NKTR: variants seen among roughly 807,000 people sequenced by gnomAD.
The protein encoded by NKTR is natural killer cell triggering receptor.
NKTR carries 67 observed loss-of-function variants against 156.3 expected under a neutral mutation model. The ratio of observed to expected loss-of-function variants is 0.43; its 90% confidence interval spans 0.35 to 0.53. The LOEUF is 0.53. Ranked by LOEUF, NKTR falls within the 20% of genes least tolerant of loss-of-function variation. NKTR has a pLI of 0.01. For synonymous variants in NKTR, 640 were observed against 596.6 expected (o/e 1.07, Z -1.06); for missense variants, 1,604 against 1,730.9 (o/e 0.93, Z 1.30).
At chr3:42,617,736 C>A in intron 3 of NKTR, 92 bp downstream of exon 3, 2 of 612,338 alleles carry the variant, frequency 3.3e-6, no homozygotes, top group East Asian at 2.9e-5. Flanking sequence ...ATAATGGACT[C>A]GTGAAATTAG....
chr3:42,631,241 G>A lies in NKTR; in HGVS notation c.475G>A (p.Asp159Asn), dbSNP rs910767006. The A allele has an allele frequency of 1.4e-5, 22 of 1,613,894 alleles. No homozygotes were observed. Among genetic ancestry groups the A allele is most frequent in the East Asian group, 2.2e-5 (1 of 44,882 alleles). Residue 159 changes from aspartate to asparagine, a missense_variant, in exon 8 of 17, where the codon GAT (aspartate) becomes AAT (asparagine). Around this residue, in one of 6 missense-constraint regions of NKTR, gnomAD observed 61 missense variants for 113.3 expected, o/e 0.54. Coordinates refer to ENST00000232978, the MANE Select transcript of NKTR (RefSeq NM_005385.4). Reference sequence around the variant, plus strand: ...CGAACAAATTGAAAATCTGAAGACCGATGCTGCAAGCAGACCATATGCAGA... The same window carrying A: ...CGAACAAATTGAAAATCTGAAGACCAATGCTGCAAGCAGACCATATGCAGA... Reference protein sequence around the residue: ...VIEQIENLKTDAASRPYADVR... With the variant: ...VIEQIENLKTNAASRPYADVR...
Position 42,600,786 on chromosome 3 carries a change from G to C in NKTR, c.-24+8G>C, listed in dbSNP as rs1705308229. The C allele has an allele frequency of 2.6e-6, 1 of 381,376 alleles. No individual in the cohort carries two copies. Among genetic ancestry groups the C allele is most frequent in the South Asian group, 6.4e-5 (1 of 15,518 alleles). 23.6% of individuals were successfully genotyped at this position (381,376 alleles called of 1,614,324 possible). A position where few individuals can be genotyped will look rare whatever the true frequency, so the allele number is the denominator to read the frequency against. On this transcript the variant is annotated splice_region_variant and intron_variant, in intron 1 of 16. Transcript: ENST00000232978. ...AGGCTGGAGGCCAGCCAGGTGAAGA[G>C]CTCGCCCGCATGCGTGCGCGCTGCG...
At chr3:42,632,379 G>GT (rs1709000168) in intron 8 of NKTR, among the ~76,000 whole-genome samples, 1 of 151,842 alleles carries the variant, frequency 6.6e-6, no homozygotes. Flanking sequence ...CCTATTTCTT[G>GT]TTACTTGACC....
chr3:42,629,382 A>T (rs1708692001), intron 6 of NKTR: 1 of 934,526 alleles, frequency 1.1e-6, no homozygotes, highest in Admixed American at 6.2e-5. Flanking sequence ...TTTAAATTAA[A>T]TTCTGTAGTG....
At chr3:42,620,128 G>A (rs1323284267) in intron 5 of NKTR, 7 of 1,467,238 alleles carry the variant, frequency 4.8e-6, no homozygotes, top group Non-Finnish European at 5.4e-6. Context: ...TCTGGGTCAG[G>A]TTGTGGCTGG....
Position 42,637,290 on chromosome 3 carries a change from C to G in NKTR, c.1586C>G (p.Ser529Cys), listed in dbSNP as rs1709515074. The G allele has an allele frequency of 6.2e-7, 1 of 1,613,940 alleles. No homozygotes were observed. The highest frequency in any genetic ancestry group is 1.1e-5 in the South Asian group (1 of 91,072). ...TCAAAATCTCACTCACAGTCTTATT[C>G]TAGAGGAAGCTCAAGATCAAGGACT... ...YRSKSHSQSY[S>C]RGSSRSRTAS... is the part of the protein sequence containing the mutation. The change falls in exon 13 of 17, where the codon TCT (serine) becomes TGT (cysteine). Residue 529 changes from serine (S) to cysteine (C), a missense_variant. Ser to Cys is a moderately radical substitution (Grantham distance 112). Around this residue, in one of 6 missense-constraint regions of NKTR, gnomAD observed 1,255 missense variants for 1,243.7 expected, o/e 1.01. Transcript: ENST00000232978.
chr3:42,632,127 TG>T (rs1708973083), intron 8 of NKTR, among the ~76,000 whole-genome samples: 1 of 145,076 alleles, frequency 6.9e-6, no homozygotes, highest in African/African-American at 2.6e-5. Context: ...TGGAGTGCAG[TG>T]GCACTATCTC....
In NKTR at chr3:42,601,048, G is replaced by A; in HGVS notation, c.42G>A (p.Glu14=). 6.3e-7 allele frequency: 1 copy of A among 1,581,134 alleles called. No homozygotes were observed. Among genetic ancestry groups the A allele is most frequent in the Non-Finnish European group, 8.6e-7 (1 of 1,166,724 alleles). ...QDRPQCHFDI[E]INREPVGRIM... The stretch of plus-strand genomic sequence containing the variant: ...GGCCGCAGTGCCACTTCGACATCGA[G>A]ATCAACCGGGAGCCGGGTGAGCTGG... Residue 14 remains glutamate, a synonymous_variant, in exon 2 of 17, where the codon GAG becomes GAA. Transcript: ENST00000232978.
intron 2 of NKTR, 77 bp downstream of exon 2, chr3:42,601,141 C>CT: frequency 8.1e-7 from 1 of 1,231,780 alleles, no homozygotes; most frequent in Non-Finnish European, 1.1e-6. Context: ...CTCAGCAACC[C>CT]TCCCCCGGCC....
At chr3:42,633,815 T>G (rs1577545139) in intron 10 of NKTR, 80 bp downstream of exon 10, 2 of 1,482,962 alleles carry the variant, frequency 1.3e-6, no homozygotes, top group East Asian at 4.5e-5. Context: ...CACACTCATG[T>G]ATGGAACATG....
rs2125773104 is a variant in NKTR at position 42,613,646 on chromosome 3, T to A, written c.59-3924T>A. Among the ~76,000 whole-genome samples the A allele has an allele frequency of 2.0e-5, 3 of 152,356 alleles. No individual in the cohort carries two copies. The South Asian group carries it at 6.2e-4, about 32-fold the overall frequency. On this transcript the variant is annotated intron_variant, in intron 2 of 16. Coordinates refer to ENST00000232978, the MANE Select transcript of NKTR (RefSeq NM_005385.4). ...GAAAACAAGGAACAGTATTGAAAGA[T>A]GATGTTTGATTTTATTCCATCTGTG...
intron 5 of NKTR, chr3:42,619,932 T>C: frequency 6.8e-7 from 1 of 1,479,182 alleles, no homozygotes; most frequent in Non-Finnish European, 8.9e-7. Context: ...TAAACATGAC[T>C]TTCAGCATGG....
chr3:42,645,410 C>A (rs1406709848), intron 16 of NKTR, among the ~76,000 whole-genome samples: 2 of 152,126 alleles, frequency 1.3e-5, no homozygotes, highest in African/African-American at 4.8e-5. Context: ...GTGAGTCGGG[C>A]ACGGTGGCTC....
At position 42,623,728 on chromosome 3, in the gene NKTR, G is replaced by A. The variant is rs761655331; in HGVS notation, c.374+2212G>A. ...AATAGCTCTGATGGTCACAGAGCTT[G>A]CTGATGGCTTCCAAAGGATGGCTCC... On this transcript the variant is annotated intron_variant, in intron 6 of 16. Coordinates refer to ENST00000232978, the MANE Select transcript of NKTR (RefSeq NM_005385.4). 11 of 152,248 alleles carry A rather than the reference G, an allele frequency of 7.2e-5. No individual in the cohort carries two copies. The East Asian group carries it at 2.1e-3, about 29-fold the overall frequency. 9.4% of individuals were successfully genotyped at this position (152,248 alleles called of 1,614,324 possible).
intron 2 of NKTR, among the ~76,000 whole-genome samples, chr3:42,606,693 T>C (rs1168175841): frequency 6.6e-6 from 1 of 152,204 alleles, no homozygotes; most frequent in Non-Finnish European, 1.5e-5. Context: ...ATATTTTGTC[T>C]TTACTTTTAT....
intron 5 of NKTR, chr3:42,620,667 C>CT (rs1707826690): frequency 1.0e-6 from 1 of 983,896 alleles, no homozygotes; most frequent in Non-Finnish European, 1.2e-6. Flanking sequence ...AAGGATATTC[C>CT]TGCTGGAATT....
chr3:42,600,799 C>T, intron 1 of NKTR, 21 bp downstream of exon 1: 1 of 390,144 alleles, frequency 2.6e-6, no homozygotes, highest in Non-Finnish European at 4.6e-6. Context: ...CGCCCGCATG[C>T]GTGCGCGCTG....
intron 2 of NKTR, among the ~76,000 whole-genome samples, chr3:42,606,225 A>G (rs1013983541): frequency 6.6e-6 from 1 of 152,064 alleles, no homozygotes. Context: ...AAATATTTTT[A>G]CTGCAACTGG....
intron 6 of NKTR, among the ~76,000 whole-genome samples, chr3:42,621,944 C>A (rs759628086): frequency 1.7e-4 from 26 of 152,006 alleles, no homozygotes; most frequent in Non-Finnish European, 3.2e-4. Context: ...GTTGTTTTTT[C>A]CTCTTACTGT....
Sources: allele counts gnomAD v4.1 joint callset (sites outside exome capture counted in the v4.1 genomes callset), GRCh38; gene constraint gnomAD v4.1.1; regional missense constraint gnomAD v4.1.1; transcripts MANE v1.5; gene names NCBI Gene and HGNC (gene_info 2026-07-23, HGNC 2026-07-21).